The following AP2A2 variants were observed in gnomAD, a reference collection of about 807,000 sequenced individuals.
AP2A2 encodes the protein AP-2 complex subunit alpha-2.
Under a neutral mutation model 104.2 loss-of-function variants are expected in AP2A2, and 32 were observed. The ratio of observed to expected loss-of-function variants is 0.31; its 90% confidence interval spans 0.23 to 0.41. AP2A2 has a LOEUF of 0.41. Ranked by LOEUF, AP2A2 falls within the 10% of genes least tolerant of loss-of-function variation. The pLI is 1.00. For missense variants in AP2A2, 912 were observed against 1,261.0 expected (o/e 0.72, Z 4.19); for synonymous variants, 539 against 533.3 (o/e 1.01, Z -0.15).
chr11:977,063 G>T (rs755959634), intron 4 of AP2A2, 32 bp from the exon 5 acceptor site: 2 of 1,612,568 alleles, frequency 1.2e-6, no homozygotes, highest in South Asian at 1.1e-5. Flanking sequence ...TCTTCAGCCT[G>T]TTGCGAGTGA....
chr11:938,992 G>A (rs1853556678), intron 1 of AP2A2, among the ~76,000 whole-genome samples: 1 of 151,938 alleles, frequency 6.6e-6, no homozygotes, highest in Admixed American at 6.6e-5. Context: ...GGTGGCTCAC[G>A]CCTGTAATCC....
At chr11:986,467 G>A (rs764286473) in intron 8 of AP2A2, among the ~76,000 whole-genome samples, 2 of 152,190 alleles carry the variant, frequency 1.3e-5, no homozygotes, top group Non-Finnish European at 1.5e-5. Flanking sequence ...CCCCATTGCC[G>A]GTCACAGCTT....
intron 18 of AP2A2, 133 bp downstream of exon 18, chr11:1,008,268 C>T (rs984888871): frequency 1.3e-5 from 17 of 1,294,456 alleles, no homozygotes; most frequent in Admixed American, 1.2e-4. Flanking sequence ...TGCATGGATG[C>T]GGCCTGAGCT....
intron 4 of AP2A2, among the ~76,000 whole-genome samples, chr11:976,796 G>C (rs1262307920): frequency 1.3e-5 from 2 of 152,228 alleles, no homozygotes; most frequent in African/African-American, 2.4e-5. Context: ...TTATTAAGTT[G>C]TAACAACAAC....
intron 1 of AP2A2, among the ~76,000 whole-genome samples, chr11:954,721 T>TGG (rs1468017092): frequency 2.7e-5 from 3 of 111,224 alleles, no homozygotes; most frequent in African/African-American, 6.3e-5. Flanking sequence ...TGTGTGTATT[T>TGG]GGTGTGTGTG....
In AP2A2 at chr11:981,256, A is replaced by G; in HGVS notation, c.662A>G (p.Glu221Gly). 6.2e-7 allele frequency: 1 copy of G among 1,613,704 alleles called. No homozygotes were observed. Residue 221 changes from glutamate to glycine, a missense_variant, in exon 6 of 22, where the codon GAG (glutamate) becomes GGG (glycine). This residue lies in a region of AP2A2 where 350 missense variants were observed against 487.0 expected (regional missense o/e 0.72). Transcript: ENST00000448903. ...ITTLAQKNPEEFKTSVSLAVS... is the reference protein window; with the variant it reads ...ITTLAQKNPEGFKTSVSLAVS... The stretch of plus-strand genomic sequence containing the variant: ...ACTTTAGCACAGAAGAACCCAGAAG[A>G]GTTTAAAACCTCCGTGTCTCTGGCT...
Position 945,363 on chromosome 11 carries a change from C to T in AP2A2, c.68-14074C>T, listed in dbSNP as rs556884957. Among the ~76,000 whole-genome samples the T allele has an allele frequency of 2.7e-4, 41 of 152,212 alleles. No homozygotes were observed. The South Asian group carries it at 7.3e-3, about 27-fold the overall frequency. On this transcript the variant is annotated intron_variant, in intron 1 of 21. Transcript: ENST00000448903. ...TTTAAAAATTTTTTTGAGATGGAAT[C>T]TCTCTCGTCACCCAGGCTGGAGTGC... is the stretch of plus-strand genomic sequence containing the variant.
intron 16 of AP2A2, among the ~76,000 whole-genome samples, chr11:1,005,353 G>A (rs1293674881): frequency 1.3e-5 from 2 of 152,228 alleles, no homozygotes; most frequent in African/African-American, 2.4e-5. Context: ...ATGGGGAATT[G>A]GTGTTTAATG....
At chr11:953,896 G>T (rs1218626169) in intron 1 of AP2A2, among the ~76,000 whole-genome samples, 1 of 150,480 alleles carries the variant, frequency 6.6e-6, no homozygotes, top group Non-Finnish European at 1.5e-5. Context: ...GTGCAATGGC[G>T]CGATCTCGGC....
In AP2A2 at chr11:1,006,446, G is replaced by A. The variant is rs1428985864; in HGVS notation, c.2207-82G>A. ...GAACTTAAATTCAGCTGAAGATTGT[G>A]GGGGGCTCTTGTTTTTCAGGGTAAA... On this transcript the variant is annotated intron_variant, in intron 16 of 21. Transcript: ENST00000448903. 3.2e-6 allele frequency: 3 copies of A among 949,560 alleles called. No homozygotes were observed. The Admixed American group carries it at 6.3e-5, about 20-fold the overall frequency. The allele number at this position is 949,560 out of a possible 1,614,324, so 58.8% of individuals were successfully genotyped here.
rs370958520 is a variant in AP2A2, at chr11:977,125, G to A, written c.504G>A (p.Ala168=). The A allele has an allele frequency of 7.4e-5, 119 of 1,613,788 alleles. 1 individual carries two copies. In the East Asian group the frequency reaches 1.1e-3, roughly 15 times the overall value. ...GDTMDSVKQS[A]ALCLLRLYRT... ...CTATGGACAGCGTGAAGCAGAGCGC[G>A]GCCCTGTGCTTGCTGCGCCTGTACA... Residue 168 remains alanine (A), a synonymous_variant, in exon 5 of 22, where the codon GCG becomes GCA. Coordinates refer to ENST00000448903, the MANE Select transcript of AP2A2 (RefSeq NM_012305.4).
At chr11:974,698 A>AAAAAT (rs55897359) in intron 4 of AP2A2, among the ~76,000 whole-genome samples, 1 of 137,200 alleles carries the variant, frequency 7.3e-6, no homozygotes, top group Admixed American at 7.9e-5. Flanking sequence ...AAAAAAAAAA[A>AAAAAT]AAAGAAAGCT....
At position 1,009,505 on chromosome 11, in the gene AP2A2, G is replaced by T; in HGVS notation, c.2607+108G>T. ...ACGCAGCCCATGACCCCGCGCCAGG[G>T]TCTGGAGGGACGGCCCCGGGGGACA... is the stretch of plus-strand genomic sequence containing the variant. On this transcript the variant is annotated intron_variant, in intron 20 of 21. Coordinates refer to ENST00000448903, the MANE Select transcript of AP2A2 (RefSeq NM_012305.4). 7 of 1,382,098 alleles carry T rather than the reference G, an allele frequency of 5.1e-6. No individual in the cohort carries two copies. In the South Asian group the frequency reaches 8.9e-5, roughly 18 times the overall value. 85.6% of individuals were successfully genotyped at this position (1,382,098 alleles called of 1,614,324 possible).
At chr11:927,890 CTT>C (rs1051057919) in intron 1 of AP2A2, among the ~76,000 whole-genome samples, 17 of 144,516 alleles carry the variant, frequency 1.2e-4, no homozygotes, top group African/African-American at 2.3e-4. Context: ...CATTTTTTCT[CTT>C]TGTTTGTTAC....
intron 15 of AP2A2, among the ~76,000 whole-genome samples, chr11:1,002,656 G>A (rs1380354518): frequency 2.0e-5 from 3 of 152,398 alleles, no homozygotes; most frequent in Admixed American, 1.3e-4. Flanking sequence ...GCCCCTTGCC[G>A]TCTGTTGCTG....
intron 5 of AP2A2, among the ~76,000 whole-genome samples, chr11:978,223 A>G (rs559840475): frequency 2.0e-5 from 3 of 152,228 alleles, no homozygotes; most frequent in African/African-American, 7.2e-5. Flanking sequence ...GCAGCCGGTC[A>G]CTGGGCTGCT....
Position 993,913 on chromosome 11 carries a change from C to T in AP2A2, c.1710C>T (p.Asn570=), listed in dbSNP as rs200360731. ...TGCGCAGCGACAGCCAGCTCAGGAACGCAGACGTGGAGCTGCAGCAGCGTG... is the reference window on the plus strand; with the variant it reads ...TGCGCAGCGACAGCCAGCTCAGGAATGCAGACGTGGAGCTGCAGCAGCGTG... ...DVLRSDSQLR[N]ADVELQQRAV... is the part of the protein sequence containing the mutation. Residue 570 remains asparagine, a synonymous_variant, in exon 13 of 22, where the codon AAC becomes AAT. Transcript: ENST00000448903. This position sits in a 1 kb window ranked among gnomAD's most constrained non-coding sequence, Gnocchi z 8.2. 2.0e-5 allele frequency: 32 copies of T among 1,611,840 alleles called. No individual in the cohort carries two copies. The highest frequency in any genetic ancestry group is 3.3e-4 in the Middle Eastern group (2 of 6,062).
At chr11:960,541 C>T (rs1476555870) in intron 2 of AP2A2, among the ~76,000 whole-genome samples, 1 of 151,988 alleles carries the variant, frequency 6.6e-6, no homozygotes, top group Non-Finnish European at 1.5e-5. Context: ...CCCGGCCCAG[C>T]TGATTTTTGT....
Position 992,766 on chromosome 11 carries a change from C to A in AP2A2, c.1452+81C>A. The A allele has an allele frequency of 2.0e-6, 3 of 1,519,508 alleles. No individual in the cohort carries two copies. The highest frequency in any genetic ancestry group is 2.7e-6 in the Non-Finnish European group (3 of 1,104,738). 94.1% of individuals were successfully genotyped at this position (1,519,508 alleles called of 1,614,324 possible). A position where few individuals can be genotyped will look rare whatever the true frequency, so the allele number is the denominator to read the frequency against. On this transcript the variant is annotated intron_variant, in intron 11 of 21. Transcript: ENST00000448903. The surrounding 1 kb of genome is among the most constrained non-coding windows in gnomAD (Gnocchi z 6.4). The stretch of plus-strand genomic sequence containing the variant: ...GCAGTGAGTGGTTCCAGCCTGCCTG[C>A]GTGGAGGTGCCGAGGGCCGTTGCTG...
Sources: allele counts gnomAD v4.1 joint callset (sites outside exome capture counted in the v4.1 genomes callset), GRCh38; gene constraint gnomAD v4.1.1; regional missense constraint gnomAD v4.1.1; non-coding constraint Gnocchi (gnomAD v3.1); transcripts MANE v1.5; gene names NCBI Gene and HGNC (gene_info 2026-07-23, HGNC 2026-07-21).